Variants in GSG1L observed in about 807,000 individuals in gnomAD.
The protein encoded by GSG1L is germ cell-specific gene 1-like protein.
GSG1L carries 24 observed loss-of-function variants against 42.1 expected under a neutral mutation model. The observed-to-expected ratio is 0.57, with a 90% confidence interval of 0.41 to 0.80. The LOEUF is 0.80. Ranked by LOEUF, GSG1L falls within the 30% of genes least tolerant of loss-of-function variation. The pLI is 0.00. For missense variants in GSG1L, 445 were observed against 472.2 expected, an observed-to-expected ratio of 0.94 and a Z score of 0.53; for synonymous variants, 215 against 203.5, an observed-to-expected ratio of 1.06 and a Z score of -0.48.
At chr16:27,865,713 CTTTTT>C (rs1021323323) in intron 3 of GSG1L, among the ~76,000 whole-genome samples, 2 of 147,826 alleles carry the variant, frequency 1.4e-5, no homozygotes, top group African/African-American at 5.0e-5. Flanking sequence ...TTTTTCTTTT[CTTTTT>C]TTGAGACAGG....
At chr16:28,019,815 T>C (rs1201419067) in intron 1 of GSG1L, among the ~76,000 whole-genome samples, 2 of 152,222 alleles carry the variant, frequency 1.3e-5, no homozygotes, top group Non-Finnish European at 2.9e-5. Flanking sequence ...CTGGCACTTC[T>C]AACAGTGGCC....
chr16:27,821,279 T>C (rs561286751), intron 5 of GSG1L, among the ~76,000 whole-genome samples: 10 of 152,306 alleles, frequency 6.6e-5, no homozygotes, highest in African/African-American at 2.4e-4. Context: ...ACCTTGATTT[T>C]TGATTTCTTG....
intron 3 of GSG1L, among the ~76,000 whole-genome samples, chr16:27,848,253 C>T (rs548604844): frequency 6.6e-6 from 1 of 152,256 alleles, no homozygotes; most frequent in East Asian, 1.9e-4. Flanking sequence ...TTTGGCTCTC[C>T]CCTGAATCCC....
chr16:27,955,319 G>A (rs1567533741), intron 2 of GSG1L, among the ~76,000 whole-genome samples: 1 of 151,998 alleles, frequency 6.6e-6, no homozygotes, highest in Admixed American at 6.6e-5. Context: ...AAGTATGACT[G>A]TAGAAATGTT....
chr16:27,994,112 G>A lies in GSG1L; in HGVS notation c.350-30909C>T, dbSNP rs144370383. Among the ~76,000 whole-genome samples the A allele has an allele frequency of 9.9e-4, 150 of 152,224 alleles. 1 individual carries two copies. The highest frequency in any genetic ancestry group is 3.4e-3 in the African/African-American group (141 of 41,532). On this transcript the variant is annotated intron_variant, in intron 1 of 6. Coordinates refer to ENST00000447459, the MANE Select transcript of GSG1L (RefSeq NM_001109763.2). ...GTGTCCATGCTCCTTAATTTTCTTA[G>A]TCGTGAGACAAAAAACTCCAGGTGA... is the stretch of plus-strand genomic sequence containing the variant.
chr16:28,063,033 G>A lies in GSG1L; in HGVS notation c.349+43C>T. On this transcript the variant is annotated intron_variant, in intron 1 of 6. Transcript: ENST00000447459. This position sits in a 1 kb window ranked among gnomAD's most constrained non-coding sequence, Gnocchi z 5.8. ...CGGGCCTCGATGGCCGCGCCGCCCC[G>A]GGGGAGCCGGAGCCGAGCTGGCCGC... 2.2e-6 allele frequency: 3 copies of A among 1,354,994 alleles called. No homozygotes were observed. The highest frequency in any genetic ancestry group is 2.9e-6 in the Non-Finnish European group (3 of 1,050,252). The allele number at this position is 1,354,994 out of a possible 1,614,324, so 83.9% of individuals were successfully genotyped here.
rs34188570 is a variant in GSG1L at position 27,997,309 on chromosome 16, C to CTTTT, written c.350-34110_350-34107dup. 1.5e-3 allele frequency among the ~76,000 whole-genome samples: 104 copies of CTTTT among 70,668 alleles called. 20 individuals are homozygous for CTTTT. The highest frequency in any genetic ancestry group is 2.0e-3 in the Non-Finnish European group (68 of 34,790). 46.4% of individuals were successfully genotyped at this position (70,668 alleles called of 152,430 possible). On this transcript the variant is annotated intron_variant, in intron 1 of 6. Transcript: ENST00000447459. ...GCCTACAGCTGGGAAGTGTTCTCCACTTTTTTTTTTTTTTTTTTTTTTTTT... is the reference window on the plus strand; with the variant it reads ...GCCTACAGCTGGGAAGTGTTCTCCACTTTTTTTTTTTTTTTTTTTTTTTTTTTTT...
intron 6 of GSG1L, among the ~76,000 whole-genome samples, chr16:27,794,623 G>A (rs553305627): frequency 4.3e-4 from 65 of 152,256 alleles, no homozygotes; most frequent in Middle Eastern, 6.8e-3. Context: ...GAGCCACCGC[G>A]CCCGGCCCAA....
chr16:28,030,804 A>ATGGGATGAGAGG (rs2085951844), intron 1 of GSG1L, among the ~76,000 whole-genome samples: 1 of 119,628 alleles, frequency 8.4e-6, no homozygotes, highest in African/African-American at 3.3e-5. Flanking sequence ...GGGATGAGAT[A>ATGGGATGAGAGG]AGTTGTATTG....
chr16:28,061,488 G>T (rs1211247154), intron 1 of GSG1L, among the ~76,000 whole-genome samples: 1 of 152,094 alleles, frequency 6.6e-6, no homozygotes, highest in Non-Finnish European at 1.5e-5. Flanking sequence ...CCAGAAGAGA[G>T]ACAGAGGAGG....
At chr16:27,873,777 T>C (rs950060390) in intron 3 of GSG1L, among the ~76,000 whole-genome samples, 1 of 152,156 alleles carries the variant, frequency 6.6e-6, no homozygotes, top group African/African-American at 2.4e-5. Context: ...CACCTTAGCT[T>C]TAGAAGACTG....
intron 1 of GSG1L, among the ~76,000 whole-genome samples, chr16:28,029,530 G>GGAATGGATGGATGGAT (rs1555515223): frequency 6.7e-6 from 1 of 149,358 alleles, no homozygotes; most frequent in South Asian, 2.2e-4. Flanking sequence ...GGTGCATGAA[G>GGAATGGATGGATGGAT]GGATGGATGG....
At chr16:27,849,294 C>T (rs1226840553) in intron 3 of GSG1L, among the ~76,000 whole-genome samples, 1 of 151,998 alleles carries the variant, frequency 6.6e-6, no homozygotes, top group Non-Finnish European at 1.5e-5. Context: ...ATGCAGGGCC[C>T]TGGAGCCCAC....
At chr16:28,036,362 A>G (rs928604304) in intron 1 of GSG1L, among the ~76,000 whole-genome samples, 27 of 152,172 alleles carry the variant, frequency 1.8e-4, no homozygotes, top group African/African-American at 6.5e-4. Context: ...GAGCTTTCTC[A>G]TGCCCTGGTA....
At chr16:27,823,668 C>T (rs551044833) in intron 5 of GSG1L, among the ~76,000 whole-genome samples, 2 of 152,188 alleles carry the variant, frequency 1.3e-5, no homozygotes, top group South Asian at 4.2e-4. Flanking sequence ...TACCAGAAAC[C>T]CACTCACGGT....
At chr16:28,025,913 AATG>A (rs2085895755) in intron 1 of GSG1L, among the ~76,000 whole-genome samples, 2 of 152,158 alleles carry the variant, frequency 1.3e-5, no homozygotes, top group African/African-American at 4.8e-5. Context: ...GCTAGAGGAT[AATG>A]GGCTTGGGGA....
chr16:27,892,556 G>A (rs2084141583), intron 2 of GSG1L, among the ~76,000 whole-genome samples: 1 of 152,118 alleles, frequency 6.6e-6, no homozygotes. Flanking sequence ...CTGAGGTCAG[G>A]AGTTTGAGAC....
In GSG1L at chr16:28,059,914, A is replaced by G. The variant is rs1372142991; in HGVS notation, c.349+3162T>C. ...TTCTTTGTGAACACTGTAGATTTTTAGTGTGGGAAAAAGGGCTTATTACAT... is the reference window on the plus strand; with the variant it reads ...TTCTTTGTGAACACTGTAGATTTTTGGTGTGGGAAAAAGGGCTTATTACAT... On this transcript the variant is annotated intron_variant, in intron 1 of 6. Transcript: ENST00000447459. The surrounding 1 kb of genome is among the most constrained non-coding windows in gnomAD (Gnocchi z 4.4). Among the ~76,000 whole-genome samples the G allele has an allele frequency of 6.6e-6, 1 of 152,088 alleles. No homozygotes were observed.
chr16:27,828,050 TCATCCATCCATCCATCCATCCATC>T (rs57317132), intron 5 of GSG1L, among the ~76,000 whole-genome samples: 1 of 131,074 alleles, frequency 7.6e-6, no homozygotes, highest in Non-Finnish European at 1.7e-5. Flanking sequence ...ATCCACCCAA[TCATCCATCCATCCATCCATCCATC>T]CATCCATCCA....
Sources: allele counts gnomAD v4.1 joint callset (sites outside exome capture counted in the v4.1 genomes callset), GRCh38; gene constraint gnomAD v4.1.1; non-coding constraint Gnocchi (gnomAD v3.1); transcripts MANE v1.5; gene names NCBI Gene and HGNC (gene_info 2026-07-23, HGNC 2026-07-21).